CYP4V2: variants seen among roughly 807,000 people sequenced by gnomAD.
CYP4V2 encodes the protein cytochrome P450 4V2.
CYP4V2 carries 55 observed loss-of-function variants against 60.8 expected under a neutral mutation model. The ratio of observed to expected loss-of-function variants is 0.90; its 90% CI spans 0.73 to 1.13. The LOEUF is 1.13. Ranked by LOEUF, CYP4V2 falls within the 50% of genes most tolerant of loss-of-function variation. The pLI, the probability that CYP4V2 is intolerant of heterozygous loss-of-function variation, is 0.00. For synonymous variants in CYP4V2, 239 were observed against 236.8 expected (o/e 1.01, Z -0.08); for missense variants, 675 against 662.9 (o/e 1.02, Z -0.20).
In CYP4V2 at chr4:186,212,450, T is replaced by C. The variant is rs1030532788; in HGVS notation, c.*1809T>C. ...GAATTTTAATTTGATAGGCAATACATCTACCCACTCCATTATTTTTTAAAA... is the reference window on the plus strand; with the variant it reads ...GAATTTTAATTTGATAGGCAATACACCTACCCACTCCATTATTTTTTAAAA... On this transcript the variant is annotated 3_prime_UTR_variant, in exon 11 of 11. Coordinates refer to ENST00000378802, the MANE Select transcript of CYP4V2 (RefSeq NM_207352.4). The C allele has an allele frequency of 6.6e-6, 1 of 152,354 alleles. No homozygotes were observed. Among genetic ancestry groups the C allele is most frequent in the South Asian group, 2.1e-4 (1 of 4,818 alleles). 9.4% of individuals were successfully genotyped at this position (152,354 alleles called of 1,614,324 possible). A position where few individuals can be genotyped will look rare whatever the true frequency, so the allele number is the denominator to read the frequency against.
At chr4:186,198,175 A>G (rs1246078121) in intron 5 of CYP4V2, among the ~76,000 whole-genome samples, 1 of 152,258 alleles carries the variant, frequency 6.6e-6, no homozygotes, top group Non-Finnish European at 1.5e-5. Context: ...TGAGCTGAGT[A>G]TATTTAAGTC....
intron 10 of CYP4V2, among the ~76,000 whole-genome samples, chr4:186,209,932 C>T (rs1238838340): frequency 6.6e-6 from 1 of 152,162 alleles, no homozygotes; most frequent in Non-Finnish European, 1.5e-5. Flanking sequence ...TTATGGTTAA[C>T]CTAATTTTTG....
At position 186,195,061 on chromosome 4, in the gene CYP4V2, C is replaced by G. The variant is rs1736113613; in HGVS notation, c.327+449C>G. ...TTTGATATTTATGGGATAAATATTACAAACCCATGCTGTTGAAATTAGTCC... is the reference window on the plus strand; with the variant it reads ...TTTGATATTTATGGGATAAATATTAGAAACCCATGCTGTTGAAATTAGTCC... On this transcript the variant is annotated intron_variant, in intron 2 of 10. Coordinates refer to ENST00000378802, the MANE Select transcript of CYP4V2 (RefSeq NM_207352.4). This position sits in a 1 kb window ranked among gnomAD's most constrained non-coding sequence, Gnocchi z 4.1. 1.3e-5 allele frequency among the ~76,000 whole-genome samples: 2 copies of G among 152,130 alleles called. No homozygotes were observed. Among genetic ancestry groups the G allele is most frequent in the Admixed American group, 6.5e-5 (1 of 15,268 alleles).
intron 1 of CYP4V2, among the ~76,000 whole-genome samples, 196 bp from the exon 2 acceptor site, chr4:186,194,304 T>A (rs1736077918): frequency 1.3e-5 from 2 of 152,186 alleles, no homozygotes; most frequent in African/African-American, 4.8e-5. Flanking sequence ...GCAAATACTA[T>A]GTTGAAAAAA....
Position 186,195,518 on chromosome 4 carries a change from A to G in CYP4V2, c.328-485A>G, listed in dbSNP as rs72646250. 2.0e-5 allele frequency among the ~76,000 whole-genome samples: 3 copies of G among 152,004 alleles called. No homozygotes were observed. The highest frequency in any genetic ancestry group is 2.9e-5 in the Non-Finnish European group (2 of 68,008). ...TGATCCGATCACGTTCATGGCTTCC[A>G]TTGCTGCCTCTATGCTGGGGACACT... On this transcript the variant is annotated intron_variant, in intron 2 of 10. Coordinates refer to ENST00000378802, the MANE Select transcript of CYP4V2 (RefSeq NM_207352.4). The surrounding 1 kb of genome is among the most constrained non-coding windows in gnomAD (Gnocchi z 4.1).
rs1381996247 is a variant in CYP4V2 at position 186,212,396 on chromosome 4, A to T, written c.*1755A>T. On this transcript the variant is annotated 3_prime_UTR_variant, in exon 11 of 11. Coordinates refer to ENST00000378802, the MANE Select transcript of CYP4V2 (RefSeq NM_207352.4). ...TAATTCAACCTTATAGATCATACTT[A>T]TGAAGGTGATAACTGACACGTGTTC... 6.6e-6 allele frequency: 1 copy of T among 152,246 alleles called. No homozygotes were observed. The highest frequency in any genetic ancestry group is 6.5e-5 in the Admixed American group (1 of 15,290). The allele number at this position is 152,246 out of a possible 1,614,324, so 9.4% of individuals were successfully genotyped here.
chr4:186,196,908 A>G, intron 3 of CYP4V2, 32 bp from the exon 4 acceptor site: 1 of 1,598,620 alleles, frequency 6.3e-7, no homozygotes, highest in African/African-American at 1.3e-5. Flanking sequence ...CTCTGTAGAT[A>G]TATTTTTTGT....
intron 3 of CYP4V2, 145 bp downstream of exon 3, chr4:186,196,233 C>CCAGCTGG: frequency 1.3e-6 from 1 of 780,488 alleles, no homozygotes; most frequent in Non-Finnish European, 2.2e-6. Flanking sequence ...AAAGGAAGGT[C>CCAGCTGG]CAGCTGGCAG....
chr4:186,194,632 A>G lies in CYP4V2; in HGVS notation c.327+20A>G, dbSNP rs911209750. The G allele has an allele frequency of 6.3e-7, 1 of 1,579,294 alleles. No individual in the cohort carries two copies. The highest frequency in any genetic ancestry group is 1.3e-5 in the African/African-American group (1 of 74,138). ...GTGGAGGTGGGTACATGTGAATATG[A>G]TCAGTATTGTACTGTGTATCTGACA... On this transcript the variant is annotated intron_variant, in intron 2 of 10. Coordinates refer to ENST00000378802, the MANE Select transcript of CYP4V2 (RefSeq NM_207352.4).
chr4:186,200,493 TATA>T (rs1736275349), intron 6 of CYP4V2, among the ~76,000 whole-genome samples: 1 of 152,208 alleles, frequency 6.6e-6, no homozygotes, highest in Non-Finnish European at 1.5e-5. Flanking sequence ...ATAACGTAAG[TATA>T]ATATCACATT....
At chr4:186,192,881 A>G (rs925654138) in intron 1 of CYP4V2, among the ~76,000 whole-genome samples, 4 of 150,800 alleles carry the variant, frequency 2.7e-5, no homozygotes, top group Non-Finnish European at 4.4e-5. Flanking sequence ...TTCCTCTGGG[A>G]TTATTTGTTA....
chr4:186,208,544 T>C lies in CYP4V2; in HGVS notation c.1091-321T>C, dbSNP rs180996960. Among the ~76,000 whole-genome samples the C allele has an allele frequency of 1.8e-3, 265 of 151,350 alleles. 3 individuals are homozygous for C. Among genetic ancestry groups the C allele is most frequent in the South Asian group, 0.016 (77 of 4,742 alleles). On this transcript the variant is annotated intron_variant, in intron 8 of 10. Transcript: ENST00000378802. ...CTTTGATGGGTATTTGATGGGTATTTAGCATCCAGTACCTTGATCCACATG... is the reference window on the plus strand; with the variant it reads ...CTTTGATGGGTATTTGATGGGTATTCAGCATCCAGTACCTTGATCCACATG...
chr4:186,191,947 C>G lies in CYP4V2; in HGVS notation c.124C>G (p.Arg42Gly). 1 of 1,590,498 alleles carries G rather than the reference C, an allele frequency of 6.3e-7. No homozygotes were observed. The highest frequency in any genetic ancestry group is 8.5e-7 in the Non-Finnish European group (1 of 1,171,794). Residue 42 changes from arginine (R) to glycine (G), a missense_variant, in exon 1 of 11, where the codon CGG becomes GGG. Arg to Gly is a moderately radical substitution (Grantham distance 125). Transcript: ENST00000378802. ...GCTGCAGAGGGTGGCGAGCTACGCG[C>G]GGAAATGGCAGCAGATGCGGCCCAT... The part of the protein sequence containing the change: ...SLLQRVASYA[R>G]KWQQMRPIPT...
chr4:186,201,116 A>C (rs1225076495), intron 6 of CYP4V2, 41 bp from the exon 7 acceptor site: 2 of 1,604,264 alleles, frequency 1.2e-6, no homozygotes, highest in Non-Finnish European at 1.7e-6. Context: ...GGTGCATCCA[A>C]GTCCAAACAG....
At chr4:186,208,175 CTTTGATGGGTA>C (rs534740459) in intron 8 of CYP4V2, among the ~76,000 whole-genome samples, 24,188 of 142,636 alleles carry the variant, frequency 0.17, 2,885 homozygotes, top group South Asian at 0.42. Context: ...ACATGTTCTT[CTTTGATGGGTA>C]TTTGATGGGT....
At chr4:186,196,882 CTCTT>C (rs1736163080) in intron 3 of CYP4V2, 54 bp from the exon 4 acceptor site, 2 of 1,511,808 alleles carry the variant, frequency 1.3e-6, no homozygotes, top group African/African-American at 1.9e-5. Flanking sequence ...TGTTACTTTT[CTCTT>C]TCTCTCTCTC....
chr4:186,196,242 A>G (rs1736142958), intron 3 of CYP4V2, 154 bp downstream of exon 3: 1 of 742,862 alleles, frequency 1.3e-6, no homozygotes, highest in South Asian at 1.5e-5. Flanking sequence ...TCCAGCTGGC[A>G]GCTGGCCTTT....
chr4:186,191,576 G>T lies in CYP4V2; in HGVS notation c.-248G>T. The T allele has an allele frequency of 3.3e-6, 1 of 307,542 alleles. No individual in the cohort carries two copies. The highest frequency in any genetic ancestry group is 5.9e-6 in the Non-Finnish European group (1 of 170,434). 19.1% of individuals were successfully genotyped at this position (307,542 alleles called of 1,614,324 possible). The stretch of plus-strand genomic sequence containing the variant: ...CCCGGAAACCGTTTTCCGGTCTTTC[G>T]CTTTCGGCTGGGGCGTGGAGGCCGC... On this transcript the variant is annotated 5_prime_UTR_variant, in exon 1 of 11. Transcript: ENST00000378802.
intron 1 of CYP4V2, among the ~76,000 whole-genome samples, chr4:186,193,545 G>C (rs1736054518): frequency 6.6e-6 from 1 of 152,126 alleles, no homozygotes; most frequent in African/African-American, 2.4e-5. Context: ...CTTTAACTTA[G>C]AGGGTTTTCT....
Sources: allele counts gnomAD v4.1 joint callset (sites outside exome capture counted in the v4.1 genomes callset), GRCh38; gene constraint gnomAD v4.1.1; non-coding constraint Gnocchi (gnomAD v3.1); transcripts MANE v1.5; gene names NCBI Gene and HGNC (gene_info 2026-07-23, HGNC 2026-07-21).